The following UACA variants were observed in gnomAD, a reference collection of about 807,000 sequenced individuals.
UACA encodes uveal autoantigen with coiled-coil domains and ankyrin repeats.
In UACA, 112 loss-of-function variants were observed where a neutral mutation model predicts 160.5. That is an observed-to-expected ratio of 0.70 (90% confidence interval 0.60 to 0.82). The LOEUF is 0.82. Among genes scored for constraint, UACA ranks in the 40% least tolerant of loss-of-function variants. UACA has a pLI of 0.00. For synonymous variants in UACA, 557 were observed against 568.4 expected, an observed-to-expected ratio of 0.98 and a Z score of 0.29; for missense variants, 1,574 against 1,614.6, an observed-to-expected ratio of 0.97 and a Z score of 0.43.
chr15:70,690,855 ATATGTT>A (rs1245508298), intron 4 of UACA, among the ~76,000 whole-genome samples: 1 of 152,130 alleles, frequency 6.6e-6, no homozygotes, highest in Non-Finnish European at 1.5e-5. Flanking sequence ...AACTTAGTGA[ATATGTT>A]TATAAAAATG....
chr15:70,687,678 G>T (rs369272468), intron 6 of UACA, 32 bp from the exon 7 acceptor site: 440 of 1,613,000 alleles, frequency 2.7e-4, no homozygotes, highest in Non-Finnish European at 3.5e-4. Context: ...ACAGCATTAA[G>T]ACAACAGATC....
At chr15:70,699,460 G>A in intron 2 of UACA, 67 bp downstream of exon 2, 1 of 1,538,912 alleles carries the variant, frequency 6.5e-7, no homozygotes, top group East Asian at 2.3e-5. Flanking sequence ...CAATTCACAA[G>A]TTTCATTTGT....
At chr15:70,737,285 T>C (rs1160426067) in intron 1 of UACA, among the ~76,000 whole-genome samples, 1 of 152,242 alleles carries the variant, frequency 6.6e-6, no homozygotes, top group Non-Finnish European at 1.5e-5. Flanking sequence ...ACTTCATCCG[T>C]AGTATTATAA....
In UACA at chr15:70,744,023, T is replaced by A. The variant is rs1899618867; in HGVS notation, c.78+19307A>T. On this transcript the variant is annotated intron_variant, in intron 1 of 18. Coordinates refer to ENST00000322954, the MANE Select transcript of UACA (RefSeq NM_018003.4). ...ACTTTGGGAGGCCGAGACGGGCGGA[T>A]CACGAGGTCAGGAGATCGAGACCAT... 2.6e-5 allele frequency among the ~76,000 whole-genome samples: 4 copies of A among 151,820 alleles called. No individual in the cohort carries two copies. The South Asian group carries it at 8.3e-4, about 32-fold the overall frequency.
intron 2 of UACA, among the ~76,000 whole-genome samples, chr15:70,697,273 A>G (rs1898162989): frequency 6.6e-6 from 1 of 152,246 alleles, no homozygotes; most frequent in South Asian, 2.1e-4. Context: ...AAGTGCGCTT[A>G]GTATTTCAGG....
chr15:70,763,994 C>T (rs1322127642), upstream of UACA, among the ~76,000 whole-genome samples: 2 of 152,246 alleles, frequency 1.3e-5, no homozygotes, highest in African/African-American at 2.4e-5. Flanking sequence ...TTTCAGTCTC[C>T]TGTTTTACTA....
At chr15:70,756,594 T>C (rs12914675) in intron 1 of UACA, among the ~76,000 whole-genome samples, 130,682 of 152,096 alleles carry the variant, frequency 0.86, 56,408 homozygotes, top group Admixed American at 0.91. Flanking sequence ...AAGACTCAGC[T>C]GGGCGAGGTG....
At chr15:70,697,643 AAATAT>A (rs1256922423) in intron 2 of UACA, among the ~76,000 whole-genome samples, 3 of 152,346 alleles carry the variant, frequency 2.0e-5, no homozygotes, top group African/African-American at 7.2e-5. Flanking sequence ...TAAATACAGA[AAATAT>A]ATTTGTAACA....
chr15:70,763,648 T>C, upstream of UACA: 1 of 629,002 alleles, frequency 1.6e-6, no homozygotes, highest in Non-Finnish European at 2.3e-6. Flanking sequence ...AATGCGGGAA[T>C]GGGGCGGGAC....
chr15:70,762,464 T>C (rs1256556757), intron 1 of UACA, among the ~76,000 whole-genome samples: 1 of 152,218 alleles, frequency 6.6e-6, no homozygotes, highest in South Asian at 2.1e-4. Context: ...TTTGATGATA[T>C]CGCCATTCTT....
At chr15:70,685,135 A>G (rs1251010095) in intron 7 of UACA, among the ~76,000 whole-genome samples, 1 of 152,184 alleles carries the variant, frequency 6.6e-6, no homozygotes, top group Non-Finnish European at 1.5e-5. Context: ...AGACCTTCAC[A>G]TCTTCAGACT....
intron 1 of UACA, among the ~76,000 whole-genome samples, chr15:70,756,766 G>A (rs1223235075): frequency 6.6e-6 from 1 of 152,172 alleles, no homozygotes; most frequent in South Asian, 2.1e-4. Context: ...CCAACTACTC[G>A]GTAGGCTGAG....
chr15:70,766,428 A>T (rs2031010094), upstream of UACA, among the ~76,000 whole-genome samples: 1 of 151,476 alleles, frequency 6.6e-6, no homozygotes, highest in Non-Finnish European at 1.5e-5. Context: ...TATATAAAAT[A>T]TTTTTTTGTT....
chr15:70,699,442 GATAACTACA>G (rs1898250740), intron 2 of UACA, 76 bp downstream of exon 2: 1 of 1,466,886 alleles, frequency 6.8e-7, no homozygotes, highest in African/African-American at 1.4e-5. Flanking sequence ...TAAGTAAGTT[GATAACTACA>G]ATTCACAAGT....
chr15:70,666,651 T>C, intron 16 of UACA, 73 bp downstream of exon 16: 1 of 1,239,902 alleles, frequency 8.1e-7, no homozygotes. Flanking sequence ...TCTACTTTCC[T>C]GTGAGATTCT....
At chr15:70,756,083 C>G (rs912814651) in intron 1 of UACA, among the ~76,000 whole-genome samples, 1 of 152,050 alleles carries the variant, frequency 6.6e-6, no homozygotes, top group African/African-American at 2.4e-5. Context: ...GTGACTAGCT[C>G]TTTCTAATTA....
intron 1 of UACA, among the ~76,000 whole-genome samples, chr15:70,744,362 C>T (rs751432716): frequency 1.3e-5 from 2 of 151,752 alleles, no homozygotes; most frequent in African/African-American, 4.8e-5. Context: ...TAAGACAGTC[C>T]CCATCCCTAC....
intron 1 of UACA, among the ~76,000 whole-genome samples, chr15:70,705,886 T>C (rs2140974465): frequency 6.6e-6 from 1 of 152,320 alleles, no homozygotes; most frequent in East Asian, 1.9e-4. Flanking sequence ...TAAAGAATTA[T>C]AGTAAACTGA....
intron 1 of UACA, among the ~76,000 whole-genome samples, chr15:70,744,173 CG>C (rs932312488): frequency 1.4e-5 from 2 of 146,082 alleles, no homozygotes; most frequent in African/African-American, 5.1e-5. Flanking sequence ...GGCGTGAACC[CG>C]GGAGGCGGAG....
Sources: gnomAD v4.1 joint callset for allele counts (sites outside exome capture counted in the v4.1 genomes callset) on GRCh38, gnomAD v4.1.1 for gene constraint, MANE v1.5 for transcripts, NCBI Gene and HGNC (gene_info 2026-07-23, HGNC 2026-07-21) for gene names.